The following GALNTL6 variants were observed in gnomAD, a reference collection of about 807,000 sequenced individuals.
GALNTL6 encodes the protein polypeptide N-acetylgalactosaminyltransferase-like 6.
A neutral mutation model predicts 73.7 loss-of-function variants in GALNTL6; 46 were observed. The observed-to-expected ratio is 0.62, with a 90% CI of 0.49 to 0.80. GALNTL6 has a LOEUF of 0.80. Among genes scored for constraint, GALNTL6 ranks in the 30% least tolerant of loss-of-function variants. GALNTL6 has a pLI of 0.00. For missense variants in GALNTL6, 604 were observed against 755.0 expected (o/e 0.80, Z 2.34); for synonymous variants, 259 against 263.7 (o/e 0.98, Z 0.17).
At chr4:172,177,780 T>C (rs1399521610) in intron 2 of GALNTL6, among the ~76,000 whole-genome samples, 3 of 137,946 alleles carry the variant, frequency 2.2e-5, no homozygotes, top group Non-Finnish European at 3.1e-5. Context: ...TACACATATA[T>C]ACACATGTGT....
At chr4:171,903,025 CGAAGAA>C (rs533626217) in intron 2 of GALNTL6, among the ~76,000 whole-genome samples, 144 of 151,970 alleles carry the variant, frequency 9.5e-4, no homozygotes, top group African/African-American at 3.3e-3. Context: ...CAGTCAAAGA[CGAAGAA>C]GGAGTCTAAA....
At chr4:171,869,754 G>C (rs553737237) in intron 2 of GALNTL6, among the ~76,000 whole-genome samples, 3 of 152,204 alleles carry the variant, frequency 2.0e-5, no homozygotes, top group African/African-American at 7.2e-5. Flanking sequence ...AATCATGGAG[G>C]CAGTTTCTGC....
chr4:172,233,699 C>A (rs1165470293), intron 3 of GALNTL6, among the ~76,000 whole-genome samples: 1 of 152,020 alleles, frequency 6.6e-6, no homozygotes, highest in Admixed American at 6.6e-5. Context: ...GTATAGCTCA[C>A]CAAAAAAGAG....
intron 10 of GALNTL6, among the ~76,000 whole-genome samples, chr4:173,003,044 T>C (rs1473074639): frequency 6.6e-6 from 1 of 152,200 alleles, no homozygotes; most frequent in African/African-American, 2.4e-5. Context: ...ATTTTAGACA[T>C]AGATCTTGGT....
rs561705960 is a variant in GALNTL6 at position 171,834,753 on chromosome 4, C to T, written c.138+20035C>T. On this transcript the variant is annotated intron_variant, in intron 2 of 12. Coordinates refer to ENST00000506823, the MANE Select transcript of GALNTL6 (RefSeq NM_001034845.3). ...AAAGTGCTCTTTTCTATCAATGGCA[C>T]AGGCAAGAGGGGTAAAGGACGAGAG... Among the ~76,000 whole-genome samples the T allele has an allele frequency of 1.6e-4, 25 of 152,004 alleles. 2 individuals carry two copies. The South Asian group carries it at 5.2e-3, about 32-fold the overall frequency.
At chr4:172,541,373 A>G (rs981882747) in intron 5 of GALNTL6, among the ~76,000 whole-genome samples, 4 of 152,340 alleles carry the variant, frequency 2.6e-5, no homozygotes, top group East Asian at 3.9e-4. Context: ...TTGGCAGAAC[A>G]TATGAGAGTC....
intron 5 of GALNTL6, among the ~76,000 whole-genome samples, chr4:172,412,106 G>A (rs1009469099): frequency 1.3e-5 from 2 of 151,950 alleles, no homozygotes; most frequent in African/African-American, 4.8e-5. Flanking sequence ...GCAGTGGCAC[G>A]ATCACAGCTC....
At chr4:171,916,268 A>G (rs552107218) in intron 2 of GALNTL6, among the ~76,000 whole-genome samples, 2 of 152,214 alleles carry the variant, frequency 1.3e-5, no homozygotes, top group Admixed American at 1.3e-4. Context: ...AAAAAAAAGC[A>G]AATACTTTGC....
intron 5 of GALNTL6, among the ~76,000 whole-genome samples, chr4:172,714,370 C>A (rs1220599885): frequency 6.6e-6 from 1 of 151,898 alleles, no homozygotes; most frequent in Admixed American, 6.6e-5. Flanking sequence ...GGTTCTGTTA[C>A]TTAACTATTG....
chr4:172,915,801 G>A (rs974821432), intron 8 of GALNTL6, among the ~76,000 whole-genome samples: 2 of 152,030 alleles, frequency 1.3e-5, no homozygotes, highest in Admixed American at 6.5e-5. Context: ...ATTCACAGCC[G>A]AATTCTACCA....
At chr4:172,426,342 C>T (rs200956535) in intron 5 of GALNTL6, among the ~76,000 whole-genome samples, 1 of 7,414 alleles carries the variant, frequency 1.3e-4, no homozygotes, top group East Asian at 3.3e-3. Context: ...TAGTCCATAG[C>T]AGAGTTTTTT....
At chr4:172,018,877 C>T (rs1741302318) in intron 2 of GALNTL6, among the ~76,000 whole-genome samples, 1 of 152,028 alleles carries the variant, frequency 6.6e-6, no homozygotes, top group South Asian at 2.1e-4. Flanking sequence ...GGATGGCTTC[C>T]CTGGGTGCAA....
intron 2 of GALNTL6, among the ~76,000 whole-genome samples, chr4:171,857,837 T>C (rs1006494768): frequency 1.3e-5 from 2 of 152,214 alleles, no homozygotes; most frequent in African/African-American, 4.8e-5. Flanking sequence ...CTAATGCATA[T>C]GTTTTTGCAA....
intron 2 of GALNTL6, among the ~76,000 whole-genome samples, chr4:172,127,146 C>T (rs1240720255): frequency 6.6e-6 from 1 of 152,206 alleles, no homozygotes; most frequent in Non-Finnish European, 1.5e-5. Context: ...GCCACCCCTA[C>T]TCAAGCATTC....
intron 2 of GALNTL6, among the ~76,000 whole-genome samples, chr4:171,912,177 T>C (rs2110963889): frequency 6.6e-6 from 1 of 152,322 alleles, no homozygotes; most frequent in Admixed American, 6.5e-5. Flanking sequence ...TCTGCTAAGA[T>C]GCTAAAGTAG....
At chr4:172,746,537 T>A (rs1406671172) in intron 5 of GALNTL6, among the ~76,000 whole-genome samples, 1 of 152,110 alleles carries the variant, frequency 6.6e-6, no homozygotes, top group Non-Finnish European at 1.5e-5. Flanking sequence ...TAAAAATTTC[T>A]CTATATTAGC....
At chr4:172,706,394 C>T (rs1046121501) in intron 5 of GALNTL6, among the ~76,000 whole-genome samples, 1 of 152,070 alleles carries the variant, frequency 6.6e-6, no homozygotes, top group Non-Finnish European at 1.5e-5. Context: ...TTTCCTTACA[C>T]TGCTGGTTTG....
chr4:172,467,662 G>C (rs887424376), intron 5 of GALNTL6, among the ~76,000 whole-genome samples: 1 of 152,036 alleles, frequency 6.6e-6, no homozygotes, highest in Non-Finnish European at 1.5e-5. Context: ...ACATTTAAGA[G>C]GTGGGGAAAG....
intron 10 of GALNTL6, among the ~76,000 whole-genome samples, chr4:172,989,265 C>A (rs1561072802): frequency 6.6e-6 from 1 of 152,202 alleles, no homozygotes; most frequent in Non-Finnish European, 1.5e-5. Flanking sequence ...TATGAAATGC[C>A]TGTACCCTCA....
Sources: allele counts gnomAD v4.1 joint callset (sites outside exome capture counted in the v4.1 genomes callset), GRCh38; gene constraint gnomAD v4.1.1; transcripts MANE v1.5; gene names NCBI Gene and HGNC (gene_info 2026-07-23, HGNC 2026-07-21).